The following CRIM1 variants were observed in gnomAD, a reference collection of about 807,000 sequenced individuals.
The protein encoded by CRIM1 is cysteine rich transmembrane BMP regulator 1.
In CRIM1, 32 loss-of-function variants were observed where a neutral mutation model predicts 116.4. That is an observed-to-expected ratio of 0.27 (90% CI 0.21 to 0.37). The LOEUF is 0.37. CRIM1 is among the 10% of genes least tolerant of loss of function. CRIM1 has a pLI of 1.00. For missense variants in CRIM1, 1,331 were observed against 1,354.8 expected (o/e 0.98, Z 0.28); for synonymous variants, 590 against 509.2 (o/e 1.16, Z -2.13).
chr2:36,530,890 A>G (rs1413495800), intron 13 of CRIM1, among the ~76,000 whole-genome samples: 2 of 152,134 alleles, frequency 1.3e-5, no homozygotes, highest in African/African-American at 4.8e-5. Flanking sequence ...GACTCCCACA[A>G]AGCTGACGAG....
chr2:36,444,620 A>G (rs547364571), intron 4 of CRIM1, among the ~76,000 whole-genome samples: 1 of 152,354 alleles, frequency 6.6e-6, no homozygotes, highest in East Asian at 1.9e-4. Context: ...TTGAAAACAT[A>G]GAGAAGGAAG....
chr2:36,471,502 G>C (rs1678511391), intron 5 of CRIM1, among the ~76,000 whole-genome samples: 2 of 152,184 alleles, frequency 1.3e-5, no homozygotes, highest in Admixed American at 1.3e-4. Flanking sequence ...CCAGCAGAAA[G>C]ATTACTATTT....
intron 7 of CRIM1, among the ~76,000 whole-genome samples, chr2:36,486,543 C>T (rs966309200): frequency 2.6e-5 from 4 of 152,144 alleles, no homozygotes; most frequent in African/African-American, 9.7e-5. Context: ...AATTCTGAAA[C>T]ACATGATTAG....
At chr2:36,455,797 T>C (rs1048594271) in intron 4 of CRIM1, among the ~76,000 whole-genome samples, 5 of 152,098 alleles carry the variant, frequency 3.3e-5, no homozygotes, top group African/African-American at 1.2e-4. Flanking sequence ...TTGTGTGATA[T>C]GTTCGGAGGA....
chr2:36,510,253 A>G, intron 9 of CRIM1, 114 bp downstream of exon 9: 1 of 962,348 alleles, frequency 1.0e-6, no homozygotes, highest in African/African-American at 1.6e-5. Context: ...TTGAGCCCAG[A>G]ATGTCTATAC....
rs1667573974 is a variant in CRIM1 at position 36,549,217 on chromosome 2, G to A, written c.*516G>A. The A allele has an allele frequency of 6.5e-6, 1 of 152,826 alleles. No homozygotes were observed. Among genetic ancestry groups the A allele is most frequent in the South Asian group, 2.1e-4 (1 of 4,832 alleles). 9.5% of individuals were successfully genotyped at this position (152,826 alleles called of 1,614,324 possible). On this transcript the variant is annotated 3_prime_UTR_variant, in exon 17 of 17. Coordinates refer to ENST00000280527, the MANE Select transcript of CRIM1 (RefSeq NM_016441.3). ...CATAACCACCTTAGAACTACCAGAC[G>A]AGCACATCAGAACCCTTTGACAGCC...
In CRIM1 at chr2:36,463,879, A is replaced by G. The variant is rs528278303; in HGVS notation, c.870-655A>G. On this transcript the variant is annotated intron_variant, in intron 4 of 16. Coordinates refer to ENST00000280527, the MANE Select transcript of CRIM1 (RefSeq NM_016441.3). Reference sequence around the variant, plus strand: ...AAAATTAAGACTTTCAGCTTCCAAGATAGCTGTCATAAAGTTCACTTACTA... The same window carrying G: ...AAAATTAAGACTTTCAGCTTCCAAGGTAGCTGTCATAAAGTTCACTTACTA... 1.8e-4 allele frequency among the ~76,000 whole-genome samples: 28 copies of G among 152,284 alleles called. No homozygotes were observed. The South Asian group carries it at 4.3e-3, about 24-fold the overall frequency.
rs564765881 is a variant in CRIM1, at chr2:36,499,871, G to A, written c.1501+524G>A. On this transcript the variant is annotated intron_variant, in intron 8 of 16. Transcript: ENST00000280527. ...ACACACACACCCCACCCCCATATAT[G>A]TTAAAACCATTTCGAATTCCCCTAA... 7.2e-5 allele frequency among the ~76,000 whole-genome samples: 11 copies of A among 152,206 alleles called. No homozygotes were observed. The South Asian group carries it at 2.3e-3, about 32-fold the overall frequency.
rs1295427580 is a variant in CRIM1, at chr2:36,379,982, CAG to C, written c.332-16631_332-16630del. Reference sequence around the variant, plus strand: ...GTACAGTTGATAGACTTTGACCACTCAGGGATATTTTCTCCATGGACTGTCTT... The same window carrying C: ...GTACAGTTGATAGACTTTGACCACTCGGATATTTTCTCCATGGACTGTCTT... On this transcript the variant is annotated intron_variant, in intron 1 of 16. Coordinates refer to ENST00000280527, the MANE Select transcript of CRIM1 (RefSeq NM_016441.3). Among the ~76,000 whole-genome samples, 4 of 151,694 alleles carry C rather than the reference CAG, an allele frequency of 2.6e-5. No individual in the cohort carries two copies. In the East Asian group the frequency reaches 5.8e-4, roughly 22 times the overall value.
intron 2 of CRIM1, among the ~76,000 whole-genome samples, chr2:36,406,640 A>C (rs1672826385): frequency 7.3e-6 from 1 of 137,598 alleles, no homozygotes; most frequent in Non-Finnish European, 1.6e-5. Flanking sequence ...CCCCAAAAAA[A>C]AACAAAAAAA....
intron 4 of CRIM1, among the ~76,000 whole-genome samples, chr2:36,452,463 A>G (rs371764666): frequency 2.0e-5 from 3 of 152,314 alleles, no homozygotes; most frequent in East Asian, 3.9e-4. Context: ...ACTCATGACT[A>G]AAAAAGCCAG....
At chr2:36,522,364 C>G (rs1572922107) in intron 13 of CRIM1, 51 bp downstream of exon 13, 1 of 1,363,134 alleles carries the variant, frequency 7.3e-7, no homozygotes, top group Non-Finnish European at 1.0e-6. Context: ...GTCACTAAAT[C>G]TGTATTGACA....
intron 14 of CRIM1, among the ~76,000 whole-genome samples, chr2:36,539,794 C>T (rs1444521886): frequency 6.6e-6 from 1 of 152,044 alleles, no homozygotes; most frequent in Non-Finnish European, 1.5e-5. Context: ...GCATTTTTAG[C>T]TTGAAATAGT....
chr2:36,522,883 C>A (rs72866893), intron 13 of CRIM1, among the ~76,000 whole-genome samples: 216 of 151,454 alleles, frequency 1.4e-3, no homozygotes, highest in African/African-American at 4.9e-3. Flanking sequence ...CTGTCGTGTT[C>A]TATCGGGGTC....
chr2:36,505,156 T>C (rs939898917), intron 8 of CRIM1, among the ~76,000 whole-genome samples: 1 of 152,200 alleles, frequency 6.6e-6, no homozygotes, highest in Non-Finnish European at 1.5e-5. Flanking sequence ...ATTTGTAATG[T>C]TGCATTTCTT....
chr2:36,391,952 C>T (rs1489446458), intron 1 of CRIM1, among the ~76,000 whole-genome samples: 1 of 152,076 alleles, frequency 6.6e-6, no homozygotes, highest in Non-Finnish European at 1.5e-5. Flanking sequence ...AATTAGTTTC[C>T]TTGAATGCCC....
chr2:36,451,884 TTTTAA>T (rs1312068402), intron 4 of CRIM1, among the ~76,000 whole-genome samples: 1 of 151,600 alleles, frequency 6.6e-6, no homozygotes, highest in Non-Finnish European at 1.5e-5. Flanking sequence ...TTGGAGACAG[TTTTAA>T]GTTTTTTTAG....
rs186397580 is a variant in CRIM1 at position 36,437,918 on chromosome 2, C to T, written c.506-3340C>T. The stretch of plus-strand genomic sequence containing the variant: ...GGAGGCTGAGGCGGGTGGATCACAA[C>T]ATCAGAAGATCGAGACCAGCCCGGC... On this transcript the variant is annotated intron_variant, in intron 2 of 16. Transcript: ENST00000280527. 2.6e-3 allele frequency among the ~76,000 whole-genome samples: 390 copies of T among 151,976 alleles called. 1 individual carries two copies. Among genetic ancestry groups the T allele is most frequent in the South Asian group, 4.8e-3 (23 of 4,808 alleles).
At chr2:36,473,357 A>C (rs1285358173) in intron 5 of CRIM1, among the ~76,000 whole-genome samples, 2 of 152,106 alleles carry the variant, frequency 1.3e-5, no homozygotes, top group Non-Finnish European at 2.9e-5. Flanking sequence ...TACTTTTTTT[A>C]AAAATAGCTT....
Sources: allele counts gnomAD v4.1 joint callset (sites outside exome capture counted in the v4.1 genomes callset), GRCh38; gene constraint gnomAD v4.1.1; transcripts MANE v1.5; gene names NCBI Gene and HGNC (gene_info 2026-07-23, HGNC 2026-07-21).